Variants in CRIM1 observed in about 807,000 individuals in gnomAD.
CRIM1 encodes the protein cysteine-rich motor neuron 1 protein.
CRIM1 carries 32 observed loss-of-function variants against 116.4 expected under a neutral mutation model. The observed-to-expected ratio is 0.27, with a 90% CI of 0.21 to 0.37. The LOEUF is 0.37. Ranked by LOEUF, CRIM1 falls within the 10% of genes least tolerant of loss-of-function variation. The pLI is 1.00. For synonymous variants in CRIM1, 590 were observed against 509.2 expected (o/e 1.16, Z -2.13); for missense variants, 1,331 against 1,354.8 (o/e 0.98, Z 0.28).
intron 2 of CRIM1, among the ~76,000 whole-genome samples, chr2:36,401,915 G>T (rs1572650064): frequency 6.6e-6 from 1 of 151,544 alleles, no homozygotes; most frequent in Non-Finnish European, 1.5e-5. Context: ...TAACTCCAAA[G>T]GGGGACTTGG....
chr2:36,401,913 A>G (rs1672432384), intron 2 of CRIM1, among the ~76,000 whole-genome samples: 1 of 152,184 alleles, frequency 6.6e-6, no homozygotes, highest in African/African-American at 2.4e-5. Flanking sequence ...CTTAACTCCA[A>G]AGGGGGACTT....
At chr2:36,510,166 T>G in intron 9 of CRIM1, 27 bp downstream of exon 9, 1 of 1,597,772 alleles carries the variant, frequency 6.3e-7, no homozygotes, top group Non-Finnish European at 8.5e-7. Context: ...TCAGAAAAGC[T>G]ATTATGAAGT....
chr2:36,533,389 GACCAGCCTGGCCAACAC>G (rs1666250614), intron 13 of CRIM1, among the ~76,000 whole-genome samples: 1 of 132,648 alleles, frequency 7.5e-6, no homozygotes, highest in South Asian at 2.4e-4. Flanking sequence ...AGGAGTTCAA[GACCAGCCTGGCCAACAC>G]AATGAGACCC....
intron 4 of CRIM1, among the ~76,000 whole-genome samples, chr2:36,449,888 A>C (rs930383117): frequency 1.3e-5 from 2 of 150,612 alleles, no homozygotes; most frequent in African/African-American, 4.8e-5. Flanking sequence ...CAAAACAAAA[A>C]AAAACCTTAG....
In CRIM1 at chr2:36,500,261, G is replaced by A. The variant is rs190676051; in HGVS notation, c.1501+914G>A. On this transcript the variant is annotated intron_variant, in intron 8 of 16. Coordinates refer to ENST00000280527, the MANE Select transcript of CRIM1 (RefSeq NM_016441.3). ...TGGGAGGATCGCTTGAGCCTGGTGGGGCAAAGGTCACAGTGAGCTGAGAGC... is the reference window on the plus strand; with the variant it reads ...TGGGAGGATCGCTTGAGCCTGGTGGAGCAAAGGTCACAGTGAGCTGAGAGC... Among the ~76,000 whole-genome samples the A allele has an allele frequency of 6.6e-4, 101 of 152,258 alleles. 1 individual carries two copies. The highest frequency in any genetic ancestry group is 2.4e-3 in the African/African-American group (99 of 41,550).
At chr2:36,504,663 TTAAAAC>T (rs1176272207) in intron 8 of CRIM1, among the ~76,000 whole-genome samples, 1 of 152,178 alleles carries the variant, frequency 6.6e-6, no homozygotes, top group African/African-American at 2.4e-5. Context: ...GCAACAAAGT[TTAAAAC>T]TAAAATGATT....
intron 1 of CRIM1, among the ~76,000 whole-genome samples, chr2:36,392,399 C>T (rs987307649): frequency 6.6e-6 from 1 of 151,892 alleles, no homozygotes; most frequent in African/African-American, 2.4e-5. Flanking sequence ...TTTAGGGTAC[C>T]AGGAAAAAAC....
At chr2:36,528,126 T>C (rs906947125) in intron 13 of CRIM1, among the ~76,000 whole-genome samples, 1 of 152,256 alleles carries the variant, frequency 6.6e-6, no homozygotes, top group East Asian at 1.9e-4. Context: ...ATTGATTCAG[T>C]AGAATTGCTG....
chr2:36,397,054 A>C (rs965548783), intron 2 of CRIM1, among the ~76,000 whole-genome samples: 9 of 152,118 alleles, frequency 5.9e-5, no homozygotes, highest in African/African-American at 1.9e-4. Flanking sequence ...GGATGATTTC[A>C]CAAGCGGTGT....
rs182353904 is a variant in CRIM1, at chr2:36,497,016, G to C, written c.1373-2203G>C. The stretch of plus-strand genomic sequence containing the variant: ...AAGCAAATCCCTAAAATTCACTGCT[G>C]CTAAAATTCCATACTACCCTATGAT... On this transcript the variant is annotated intron_variant, in intron 7 of 16. Transcript: ENST00000280527. Among the ~76,000 whole-genome samples, 86 of 152,262 alleles carry C rather than the reference G, an allele frequency of 5.6e-4. 1 individual carries two copies. The highest frequency in any genetic ancestry group is 9.4e-4 in the Non-Finnish European group (64 of 68,028).
intron 1 of CRIM1, among the ~76,000 whole-genome samples, chr2:36,391,118 A>ATTTTTT (rs57108558): frequency 1.7e-3 from 117 of 67,236 alleles, no homozygotes; most frequent in Non-Finnish European, 2.3e-3. Context: ...CCAACTTTTG[A>ATTTTTT]TTTTTTTTTT....
chr2:36,494,342 C>T (rs573070950), intron 7 of CRIM1, among the ~76,000 whole-genome samples: 1 of 152,088 alleles, frequency 6.6e-6, no homozygotes, highest in East Asian at 1.9e-4. Flanking sequence ...CTAACATTTT[C>T]CTGGAAATAA....
At chr2:36,438,185 G>A (rs1029024753) in intron 2 of CRIM1, among the ~76,000 whole-genome samples, 1 of 151,564 alleles carries the variant, frequency 6.6e-6, no homozygotes, top group African/African-American at 2.4e-5. Flanking sequence ...TAATATGTTG[G>A]GTTTTAATGG....
chr2:36,429,781 G>C (rs569313134), intron 2 of CRIM1, among the ~76,000 whole-genome samples: 12 of 152,316 alleles, frequency 7.9e-5, no homozygotes, highest in African/African-American at 2.4e-4. Flanking sequence ...CAGGGGATAA[G>C]ATTTGGCAAT....
chr2:36,389,533 A>G (rs79513258), intron 1 of CRIM1, among the ~76,000 whole-genome samples: 2,215 of 152,244 alleles, frequency 0.015, 44 homozygotes, highest in African/African-American at 0.05. Flanking sequence ...CTGCGTGTGT[A>G]CTGTGAATTT....
chr2:36,520,929 C>G (rs572073495), intron 12 of CRIM1, among the ~76,000 whole-genome samples: 1 of 152,304 alleles, frequency 6.6e-6, no homozygotes, highest in South Asian at 2.1e-4. Flanking sequence ...TACGACAACT[C>G]TTTTGATTGT....
At position 36,375,110 on chromosome 2, in the gene CRIM1, A is replaced by G. The variant is rs73922894; in HGVS notation, c.331+18487A>G. 8.4e-3 allele frequency among the ~76,000 whole-genome samples: 1,257 copies of G among 148,810 alleles called. 14 individuals are homozygous for G. Among genetic ancestry groups the G allele is most frequent in the African/African-American group, 0.029 (1,180 of 41,256 alleles). On this transcript the variant is annotated intron_variant, in intron 1 of 16. Transcript: ENST00000280527. ...ATATTAACTTCAAAATGAATTTGCAACTTGTATGCTTTGCATATGCCGTAT... is the reference window on the plus strand; with the variant it reads ...ATATTAACTTCAAAATGAATTTGCAGCTTGTATGCTTTGCATATGCCGTAT...
chr2:36,442,839 T>G, intron 4 of CRIM1, 104 bp downstream of exon 4: 1 of 1,318,022 alleles, frequency 7.6e-7, no homozygotes, highest in Non-Finnish European at 1.1e-6. Context: ...CCTAGTCCTT[T>G]CCTGTTTCTC....
chr2:36,477,205 C>G (rs981529316), intron 6 of CRIM1, 134 bp downstream of exon 6: 2 of 689,126 alleles, frequency 2.9e-6, no homozygotes, highest in Non-Finnish European at 4.7e-6. Flanking sequence ...TTTTAAGACA[C>G]CATGGTCTGT....
Sources: allele counts gnomAD v4.1 joint callset (sites outside exome capture counted in the v4.1 genomes callset), GRCh38; gene constraint gnomAD v4.1.1; transcripts MANE v1.5; gene names NCBI Gene and HGNC (gene_info 2026-07-23, HGNC 2026-07-21).